The following RIMOC1 variants were observed in gnomAD, a reference collection of about 807,000 sequenced individuals.
The protein encoded by RIMOC1 is RAB7A interacting MON1-CCZ1 complex subunit 1.
At chr5:41,917,894 C>A in the RIMOC1 span, 1 of 813,428 alleles carries the variant, frequency 1.2e-6, no homozygotes, top group Non-Finnish European at 1.5e-6. Context: ...TTCCCTTAGG[C>A]ATTTTATAAA....
At chr5:41,907,947 A>G in the RIMOC1 span, 2 of 710,170 alleles carry the variant, frequency 2.8e-6, no homozygotes, top group Non-Finnish European at 4.6e-6. Context: ...TCTATATTTC[A>G]AGTGTTTAAT....
chr5:41,910,364 A>G, the RIMOC1 span, among the ~76,000 whole-genome samples: 6 of 151,828 alleles, frequency 4.0e-5, no homozygotes, highest in African/African-American at 1.5e-4. Flanking sequence ...CTTCCATTCT[A>G]GAAACACAGG....
chr5:41,915,742 C>A, the RIMOC1 span, among the ~76,000 whole-genome samples: 1 of 152,112 alleles, frequency 6.6e-6, no homozygotes, highest in African/African-American at 2.4e-5. Context: ...CAGTTATCTC[C>A]CACTGGGTCC....
the RIMOC1 span, among the ~76,000 whole-genome samples, chr5:41,915,997 A>G: frequency 6.6e-6 from 1 of 152,258 alleles, no homozygotes; most frequent in Non-Finnish European, 1.5e-5. Context: ...TGAATTTTTC[A>G]TATCCAGTGC....
chr5:41,906,316 A>G, the RIMOC1 span, among the ~76,000 whole-genome samples: 1 of 152,314 alleles, frequency 6.6e-6, no homozygotes, highest in Non-Finnish European at 1.5e-5. Context: ...TTTGCCAGTC[A>G]TTACTTTGAC....
At chr5:41,906,481 A>G in the RIMOC1 span, among the ~76,000 whole-genome samples, 1 of 152,218 alleles carries the variant, frequency 6.6e-6, no homozygotes, top group African/African-American at 2.4e-5. Flanking sequence ...CTTTACATTG[A>G]AAATAATCCT....
At chr5:41,918,285 C>A in the RIMOC1 span, 1 of 985,878 alleles carries the variant, frequency 1.0e-6, no homozygotes, top group South Asian at 4.7e-5. Flanking sequence ...GGTAAAATTT[C>A]AGTAACTGAT....
At chr5:41,921,613 A>T in the RIMOC1 span, 1 of 152,118 alleles carries the variant, frequency 6.6e-6, no homozygotes, top group South Asian at 2.1e-4. Context: ...TACATTTTTA[A>T]AAAAATAAAA....
chr5:41,907,787 G>C, the RIMOC1 span: 8 of 1,610,078 alleles, frequency 5.0e-6, no homozygotes, highest in Non-Finnish European at 5.9e-6. Flanking sequence ...AAACTCCTGT[G>C]TGGAGAAGAG....
At chr5:41,911,117 T>C in the RIMOC1 span, 12 of 1,610,640 alleles carry the variant, frequency 7.5e-6, no homozygotes, top group Admixed American at 6.7e-5. Context: ...GCTGTATATG[T>C]ATTGTCATTC....
chr5:41,917,151 C>T, the RIMOC1 span: 3 of 1,613,754 alleles, frequency 1.9e-6, no homozygotes, highest in East Asian at 4.5e-5. Context: ...GGCTGCACTA[C>T]ATACAAGGAA....
chr5:41,906,421 A>G, the RIMOC1 span, among the ~76,000 whole-genome samples: 3 of 152,192 alleles, frequency 2.0e-5, no homozygotes, highest in South Asian at 6.2e-4. Context: ...TATGTCATCA[A>G]TTTATGTGAC....
the RIMOC1 span, chr5:41,909,917 A>T: frequency 6.5e-7 from 1 of 1,527,200 alleles, no homozygotes; most frequent in Admixed American, 2.0e-5. Context: ...CCTGTTAATT[A>T]TGATGGAATA....
the RIMOC1 span, among the ~76,000 whole-genome samples, chr5:41,908,908 C>T: frequency 6.6e-6 from 1 of 152,102 alleles, no homozygotes. Flanking sequence ...TGGCTTAGGC[C>T]TTTCGCACGA....
chr5:41,918,884 C>T, the RIMOC1 span: 5 of 373,760 alleles, frequency 1.3e-5, no homozygotes, highest in African/African-American at 4.4e-5. Context: ...CTATCAAAGG[C>T]GACTCTGTGC....
At chr5:41,907,781 T>G in the RIMOC1 span, 7 of 1,609,708 alleles carry the variant, frequency 4.3e-6, no homozygotes, top group African/African-American at 1.3e-5. Flanking sequence ...AAATTGAAAC[T>G]CCTGTGTGGA....
chr5:41,917,453 A>G, the RIMOC1 span: 2 of 1,353,020 alleles, frequency 1.5e-6, no homozygotes, highest in Non-Finnish European at 1.9e-6. Context: ...CAACATCACC[A>G]TCTTTTTCAT....
chr5:41,909,907 C>A, the RIMOC1 span: 2 of 1,551,848 alleles, frequency 1.3e-6, no homozygotes, highest in Admixed American at 1.9e-5. Flanking sequence ...GTTTTACATT[C>A]CTGTTAATTA....
At chr5:41,918,126 C>A in the RIMOC1 span, 1 of 985,792 alleles carries the variant, frequency 1.0e-6, no homozygotes, top group Non-Finnish European at 1.2e-6. Flanking sequence ...CATGGTCTTT[C>A]TGTCTACCTC....
Sources: gnomAD v4.1 joint callset for allele counts (sites outside exome capture counted in the v4.1 genomes callset) on GRCh38, gnomAD v4.1.1 for gene constraint, MANE v1.5 for transcripts, NCBI Gene and HGNC (gene_info 2026-07-23, HGNC 2026-07-21) for gene names.